Variants in TARP observed in about 807,000 individuals in gnomAD.
At chr7:38,264,097 T>A in the TARP span, among the ~76,000 whole-genome samples, 1 of 150,924 alleles carries the variant, frequency 6.6e-6, no homozygotes, top group Non-Finnish European at 1.5e-5. Flanking sequence ...TCAATCAAGG[T>A]TGGTTGCAAG....
chr7:38,268,018 G>A, the TARP span, among the ~76,000 whole-genome samples: 17 of 150,884 alleles, frequency 1.1e-4, no homozygotes, highest in Admixed American at 1.0e-3. Flanking sequence ...CTTTCTCAAC[G>A]TAGTAGTTAA....
the TARP span, among the ~76,000 whole-genome samples, chr7:38,265,901 A>C: frequency 6.6e-6 from 1 of 151,736 alleles, no homozygotes; most frequent in Non-Finnish European, 1.5e-5. Flanking sequence ...GCCAAAAGTC[A>C]CAGCTCTCAA....
the TARP span, among the ~76,000 whole-genome samples, chr7:38,267,970 A>G: frequency 6.6e-6 from 1 of 151,388 alleles, no homozygotes; most frequent in East Asian, 1.9e-4. Flanking sequence ...TTTAAGTTTC[A>G]TTCTTTTCAG....
the TARP span, among the ~76,000 whole-genome samples, chr7:38,269,104 C>A: frequency 1.3e-5 from 2 of 151,762 alleles, no homozygotes; most frequent in Non-Finnish European, 2.9e-5. Flanking sequence ...GACTCCAACA[C>A]CCGGGCTCCT....
the TARP span, chr7:38,269,606 T>C: frequency 8.2e-6 from 5 of 612,628 alleles, no homozygotes; most frequent in Admixed American, 1.2e-4. Flanking sequence ...ATTCTGGTGG[T>C]CTGGGATTCT....
chr7:38,271,155 A>G, the TARP span, among the ~76,000 whole-genome samples: 2 of 151,294 alleles, frequency 1.3e-5, no homozygotes, highest in African/African-American at 4.9e-5. Flanking sequence ...TCTCAAATAG[A>G]TTTTGGAAAG....
chr7:38,272,915 A>G, the TARP span, among the ~76,000 whole-genome samples: 1 of 151,502 alleles, frequency 6.6e-6, no homozygotes, highest in East Asian at 1.9e-4. Flanking sequence ...CCACTAAGGA[A>G]TTAAAAATGT....
chr7:38,267,809 C>A, the TARP span, among the ~76,000 whole-genome samples: 2 of 151,246 alleles, frequency 1.3e-5, no homozygotes, highest in Non-Finnish European at 2.9e-5. Flanking sequence ...ATTTTCCAAT[C>A]TAATTTTCAT....
chr7:38,267,613 A>G, the TARP span, among the ~76,000 whole-genome samples: 1 of 151,074 alleles, frequency 6.6e-6, no homozygotes, highest in Admixed American at 6.6e-5. Context: ...AATTAGGCAT[A>G]ATGTGCTCAT....
At chr7:38,262,105 G>C in the TARP span, 44 of 1,397,976 alleles carry the variant, frequency 3.1e-5, no homozygotes, top group African/African-American at 5.4e-4. Context: ...TCCATTCCCT[G>C]ATTTTTCAAG....
chr7:38,267,762 A>G, the TARP span, among the ~76,000 whole-genome samples: 9 of 151,202 alleles, frequency 6.0e-5, no homozygotes, highest in Admixed American at 2.6e-4. Flanking sequence ...TTTCAATTGT[A>G]CATTATATTT....
the TARP span, among the ~76,000 whole-genome samples, chr7:38,273,007 CTAAGAG>C: frequency 2.0e-5 from 3 of 151,076 alleles, no homozygotes; most frequent in South Asian, 2.1e-4. Flanking sequence ...ATCTAACAGA[CTAAGAG>C]TATCTTTATG....
At chr7:38,268,263 A>G in the TARP span, among the ~76,000 whole-genome samples, 2 of 151,342 alleles carry the variant, frequency 1.3e-5, no homozygotes, top group African/African-American at 4.9e-5. Context: ...TATTTGCAAA[A>G]TCAAATAGTA....
chr7:38,265,078 C>T, the TARP span, among the ~76,000 whole-genome samples: 1 of 150,994 alleles, frequency 6.6e-6, no homozygotes, highest in Non-Finnish European at 1.5e-5. Flanking sequence ...TTCTTTAATC[C>T]ATCTAACAAC....
the TARP span, among the ~76,000 whole-genome samples, chr7:38,272,857 G>A: frequency 3.3e-4 from 49 of 150,754 alleles, no homozygotes; most frequent in African/African-American, 1.1e-3. Flanking sequence ...AAAGAGAATC[G>A]GAAGGTCACT....
the TARP span, among the ~76,000 whole-genome samples, chr7:38,271,359 C>G: frequency 6.6e-6 from 1 of 151,128 alleles, no homozygotes; most frequent in Admixed American, 6.6e-5. Flanking sequence ...TAAAATGAAG[C>G]TTTTTTTCCC....
the TARP span, chr7:38,269,543 C>G: frequency 1.4e-6 from 1 of 691,086 alleles, no homozygotes; most frequent in Non-Finnish European, 2.6e-6. Context: ...AATAATTCCA[C>G]AGTGATTCAG....
the TARP span, among the ~76,000 whole-genome samples, chr7:38,267,198 T>C: frequency 6.6e-6 from 1 of 151,776 alleles, no homozygotes; most frequent in African/African-American, 2.4e-5. Flanking sequence ...CATCTTAGCC[T>C]GCTGAATAAA....
At chr7:38,263,311 CT>C in the TARP span, among the ~76,000 whole-genome samples, 1 of 151,912 alleles carries the variant, frequency 6.6e-6, no homozygotes, top group African/African-American at 2.4e-5. Flanking sequence ...GTGCAGGCAA[CT>C]TGCCGAGAAT....
Sources: gnomAD v4.1 joint callset for allele counts (sites outside exome capture counted in the v4.1 genomes callset) on GRCh38, gnomAD v4.1.1 for gene constraint, MANE v1.5 for transcripts.